The following CAMK2D variants were observed in gnomAD, a reference collection of about 807,000 sequenced individuals.
CAMK2D encodes calcium/calmodulin dependent protein kinase II delta, also known as calcium/calmodulin-dependent protein kinase type II subunit delta.
In CAMK2D, 37 loss-of-function variants were observed where a neutral mutation model predicts 84.0. That is an observed-to-expected ratio of 0.44 (90% CI 0.34 to 0.58). CAMK2D has a LOEUF of 0.58. CAMK2D is among the 20% of genes least tolerant of loss of function. The pLI is 0.02. For synonymous variants in CAMK2D, 202 were observed against 212.5 expected, an observed-to-expected ratio of 0.95 and a Z score of 0.43; for missense variants, 448 against 652.5, an observed-to-expected ratio of 0.69 and a Z score of 3.41.
chr4:113,755,087 C>T, intron 2 of CAMK2D: 2 of 984,510 alleles, frequency 2.0e-6, no homozygotes, highest in Non-Finnish European at 2.4e-6. Flanking sequence ...ACTTTCTTGA[C>T]TGCCTGGAAG....
rs145518381 is a variant in CAMK2D, at chr4:113,714,785, T to A, written c.160+44535A>T. On this transcript the variant is annotated intron_variant, in intron 2 of 20. Transcript: ENST00000511664. The stretch of plus-strand genomic sequence containing the variant: ...GGTCTCCATTTTTCTTGTGAGAGCA[T>A]TTTGTTTACAGGCACATGTAAATAA... Among the ~76,000 whole-genome samples, 716 of 152,248 alleles carry A rather than the reference T, an allele frequency of 4.7e-3. 5 individuals are homozygous for A. The highest frequency in any genetic ancestry group is 0.016 in the African/African-American group (672 of 41,556).
chr4:113,648,138 G>C (rs2099158842), intron 3 of CAMK2D, among the ~76,000 whole-genome samples: 1 of 151,910 alleles, frequency 6.6e-6, no homozygotes, highest in Admixed American at 6.6e-5. Context: ...TTAAAATTGG[G>C]GTAGTTGGAT....
At position 113,638,971 on chromosome 4, in the gene CAMK2D, G is replaced by T. The variant is rs111282606; in HGVS notation, c.220+22742C>A. Reference sequence around the variant, plus strand: ...AAATATAAAAATGTAGGTTTGGCACGGTGGTTCACGCCTGTAATCCCAGCA... The same window carrying T: ...AAATATAAAAATGTAGGTTTGGCACTGTGGTTCACGCCTGTAATCCCAGCA... On this transcript the variant is annotated intron_variant, in intron 3 of 20. Coordinates refer to ENST00000511664, the MANE Select transcript of CAMK2D (RefSeq NM_001321571.2). Among the ~76,000 whole-genome samples, 10 of 152,008 alleles carry T rather than the reference G, an allele frequency of 6.6e-5. No homozygotes were observed. The East Asian group carries it at 1.9e-3, about 29-fold the overall frequency.
chr4:113,634,437 A>G (rs976963030), intron 3 of CAMK2D, among the ~76,000 whole-genome samples: 2 of 152,160 alleles, frequency 1.3e-5, no homozygotes, highest in African/African-American at 2.4e-5. Context: ...TATTTTATCT[A>G]TTTCTTTGGT....
intron 4 of CAMK2D, 121 bp from the exon 5 acceptor site, chr4:113,552,217 T>C: frequency 1.8e-6 from 1 of 561,488 alleles, no homozygotes; most frequent in Non-Finnish European, 3.2e-6. Flanking sequence ...ATCAAAACTT[T>C]TTAAAACATG....
At chr4:113,721,950 C>A (rs549020359) in intron 2 of CAMK2D, among the ~76,000 whole-genome samples, 3 of 152,124 alleles carry the variant, frequency 2.0e-5, no homozygotes, top group Non-Finnish European at 4.4e-5. Flanking sequence ...CTTTTCTCCC[C>A]ACTGCCTTTC....
At chr4:113,639,080 C>CA (rs779226375) in intron 3 of CAMK2D, among the ~76,000 whole-genome samples, 7,501 of 127,268 alleles carry the variant, frequency 0.059, 508 homozygotes, top group African/African-American at 0.16. Flanking sequence ...TTGCCTCTAC[C>CA]AAAAAAAAAA....
intron 1 of CAMK2D, 71 bp from the exon 2 acceptor site, chr4:113,759,485 A>C (rs2099635826): frequency 7.3e-6 from 7 of 962,422 alleles, no homozygotes; most frequent in Middle Eastern, 2.4e-4. Flanking sequence ...ATAAAATCTG[A>C]GCATTTTTAT....
At chr4:113,488,477 G>A (rs927463193) in intron 16 of CAMK2D, among the ~76,000 whole-genome samples, 1 of 152,108 alleles carries the variant, frequency 6.6e-6, no homozygotes, top group Admixed American at 6.5e-5. Flanking sequence ...TTAGCGTTTC[G>A]ATAATGGAAC....
At chr4:113,502,510 G>A (rs1434561675) in intron 15 of CAMK2D, among the ~76,000 whole-genome samples, 2 of 124,836 alleles carry the variant, frequency 1.6e-5, no homozygotes, top group African/African-American at 3.0e-5. Flanking sequence ...AAACTCAAAA[G>A]TAACACTAAA....
intron 3 of CAMK2D, among the ~76,000 whole-genome samples, chr4:113,611,164 A>G (rs950825284): frequency 6.6e-5 from 10 of 152,174 alleles, no homozygotes; most frequent in African/African-American, 2.2e-4. Flanking sequence ...CACGTTGCCA[A>G]TATCAGAGAT....
At chr4:113,684,914 G>A (rs1046836071) in intron 2 of CAMK2D, among the ~76,000 whole-genome samples, 54 of 152,184 alleles carry the variant, frequency 3.5e-4, no homozygotes, top group African/African-American at 1.2e-3. Context: ...TGGAGGCAGT[G>A]CATTCCCTGA....
At chr4:113,690,634 C>CT (rs1382475574) in intron 2 of CAMK2D, among the ~76,000 whole-genome samples, 2 of 152,126 alleles carry the variant, frequency 1.3e-5, no homozygotes, top group Admixed American at 6.6e-5. Context: ...ACTTCCTTAT[C>CT]TTTTTGCCAC....
chr4:113,696,001 G>A (rs183155101), intron 2 of CAMK2D, among the ~76,000 whole-genome samples: 5 of 152,012 alleles, frequency 3.3e-5, no homozygotes, highest in Admixed American at 6.6e-5. Context: ...AGCATATTAC[G>A]TATGCTACTA....
At chr4:113,554,310 T>TA (rs545828064) in intron 4 of CAMK2D, among the ~76,000 whole-genome samples, 85 of 152,124 alleles carry the variant, frequency 5.6e-4, no homozygotes, top group African/African-American at 1.9e-3. Flanking sequence ...TACATGAGCT[T>TA]AAAAAAAATC....
chr4:113,622,202 G>A (rs1300289259), intron 3 of CAMK2D, among the ~76,000 whole-genome samples: 1 of 152,086 alleles, frequency 6.6e-6, no homozygotes, highest in Non-Finnish European at 1.5e-5. Flanking sequence ...TATCACACTT[G>A]ACTAGTTTAA....
intron 4 of CAMK2D, among the ~76,000 whole-genome samples, chr4:113,564,282 C>A (rs1395813368): frequency 6.6e-6 from 1 of 152,130 alleles, no homozygotes; most frequent in Non-Finnish European, 1.5e-5. Flanking sequence ...ACTGAGCTCT[C>A]TCCCTTTTTA....
chr4:113,680,658 G>A (rs2099341672), intron 2 of CAMK2D, among the ~76,000 whole-genome samples: 1 of 152,204 alleles, frequency 6.6e-6, no homozygotes, highest in African/African-American at 2.4e-5. Flanking sequence ...ATGGACTGCT[G>A]CTTTGATAGA....
intron 8 of CAMK2D, among the ~76,000 whole-genome samples, chr4:113,522,407 A>AATGGAAAATCATCAT (rs2098372488): frequency 6.6e-6 from 1 of 152,252 alleles, no homozygotes; most frequent in African/African-American, 2.4e-5. Context: ...TAGTATGATT[A>AATGGAAAATCATCAT]ATGGAAAATC....
Sources: gnomAD v4.1 joint callset for allele counts (sites outside exome capture counted in the v4.1 genomes callset) on GRCh38, gnomAD v4.1.1 for gene constraint, MANE v1.5 for transcripts, NCBI Gene and HGNC (gene_info 2026-07-23, HGNC 2026-07-21) for gene names.